The following C2CD3 variants were observed in gnomAD, a reference collection of about 807,000 sequenced individuals.
The protein encoded by C2CD3 is C2 domain containing 3 centriole elongation regulator.
In C2CD3, 148 loss-of-function variants were observed where a neutral mutation model predicts 234.0. That is an observed-to-expected ratio of 0.63 (90% CI 0.55 to 0.72). C2CD3 has a LOEUF of 0.72. C2CD3 is among the 30% of genes least tolerant of loss of function. C2CD3 has a pLI of 0.00. For synonymous variants in C2CD3, 1,000 were observed against 1,035.4 expected, an observed-to-expected ratio of 0.97 and a Z score of 0.66; for missense variants, 2,577 against 2,811.5, an observed-to-expected ratio of 0.92 and a Z score of 1.89.
intron 32 of C2CD3, among the ~76,000 whole-genome samples, chr11:74,026,719 C>A (rs1952313001): frequency 6.6e-6 from 1 of 152,074 alleles, no homozygotes; most frequent in Non-Finnish European, 1.5e-5. Context: ...CCTGTAATCC[C>A]AGCACTTTGG....
At chr11:74,044,353 G>A (rs139461389) in intron 28 of C2CD3, among the ~76,000 whole-genome samples, 5,423 of 151,944 alleles carry the variant, frequency 0.036, 145 homozygotes, top group South Asian at 0.1. Context: ...TACTAGGGAG[G>A]CTGAGGCAGG....
intron 22 of C2CD3, among the ~76,000 whole-genome samples, chr11:74,080,749 G>A (rs1321021491): frequency 6.6e-6 from 1 of 152,096 alleles, no homozygotes; most frequent in Non-Finnish European, 1.5e-5. Context: ...CTGTAGCTAA[G>A]TTATAGAAGG....
chr11:74,156,654 G>A (rs561651615), intron 3 of C2CD3, among the ~76,000 whole-genome samples: 2 of 151,998 alleles, frequency 1.3e-5, no homozygotes, highest in African/African-American at 4.8e-5. Flanking sequence ...TTAAAAGGAA[G>A]AAAGAAAAAG....
chr11:74,038,729 C>T (rs1338217689), intron 29 of C2CD3, among the ~76,000 whole-genome samples: 1 of 152,218 alleles, frequency 6.6e-6, no homozygotes, highest in Non-Finnish European at 1.5e-5. Flanking sequence ...CAAATCTTTG[C>T]ACCACCTGTC....
chr11:74,041,932 G>T, intron 29 of C2CD3, 122 bp downstream of exon 29: 1 of 890,462 alleles, frequency 1.1e-6, no homozygotes. Context: ...ATGCAAAAGA[G>T]CCCTCTACTA....
chr11:74,086,967 T>C (rs1032558628), intron 20 of C2CD3, among the ~76,000 whole-genome samples: 1 of 152,188 alleles, frequency 6.6e-6, no homozygotes, highest in South Asian at 2.1e-4. Flanking sequence ...TTACTTACCA[T>C]GTGACTCTGG....
chr11:74,117,000 A>G lies in C2CD3; in HGVS notation c.1520+1228T>C, dbSNP rs1319638704. 2.6e-3 allele frequency among the ~76,000 whole-genome samples: 298 copies of G among 114,080 alleles called. 15 individuals are homozygous for G. Among genetic ancestry groups the G allele is most frequent in the African/African-American group, 0.01 (234 of 22,918 alleles). The allele number at this position is 114,080 out of a possible 152,430, so 74.8% of individuals were successfully genotyped here. ...CGTATATATACACATATACGTGTATATGTATATATACACATATATACGTGT... is the reference window on the plus strand; with the variant it reads ...CGTATATATACACATATACGTGTATGTGTATATATACACATATATACGTGT... On this transcript the variant is annotated intron_variant, in intron 9 of 32. Transcript: ENST00000334126.
At chr11:74,029,921 A>G (rs1952457531) in intron 31 of C2CD3, among the ~76,000 whole-genome samples, 1 of 152,034 alleles carries the variant, frequency 6.6e-6, no homozygotes, top group Admixed American at 6.6e-5. Context: ...ATGCCTGGCT[A>G]ATTTTTGTAT....
intron 11 of C2CD3, 77 bp downstream of exon 11, chr11:74,113,703 C>G: frequency 1.4e-6 from 1 of 703,774 alleles, no homozygotes; most frequent in Non-Finnish European, 2.4e-6. Context: ...AAAAAAAAGT[C>G]AAATGAGTAA....
At chr11:74,024,999 A>T (rs549648506) in intron 32 of C2CD3, among the ~76,000 whole-genome samples, 2 of 152,294 alleles carry the variant, frequency 1.3e-5, no homozygotes, top group East Asian at 3.9e-4. Flanking sequence ...CAAACAATGG[A>T]ATGTTGTTAA....
intron 26 of C2CD3, among the ~76,000 whole-genome samples, chr11:74,053,654 G>C (rs1156498518): frequency 6.6e-6 from 1 of 152,232 alleles, no homozygotes; most frequent in East Asian, 1.9e-4. Context: ...TAATAAGCCA[G>C]AGTCAACAGA....
At chr11:74,028,980 T>A (rs1490172905) in intron 31 of C2CD3, among the ~76,000 whole-genome samples, 1 of 152,248 alleles carries the variant, frequency 6.6e-6, no homozygotes, top group African/African-American at 2.4e-5. Context: ...CTATTTTCTC[T>A]GCTCACATTC....
chr11:74,074,140 A>G, intron 24 of C2CD3, 113 bp downstream of exon 24: 1 of 769,290 alleles, frequency 1.3e-6, no homozygotes, highest in South Asian at 1.9e-5. Flanking sequence ...TGAGAAATAA[A>G]TATTTATCAG....
At chr11:74,047,437 T>C (rs957655429) in intron 28 of C2CD3, among the ~76,000 whole-genome samples, 1 of 152,192 alleles carries the variant, frequency 6.6e-6, no homozygotes, top group Non-Finnish European at 1.5e-5. Context: ...ACAAAGGAAT[T>C]ATCTAAAATC....
Position 74,103,218 on chromosome 11 carries a change from A to G in C2CD3, c.2493T>C (p.Tyr831=). The change falls in exon 14 of 33, where the codon TAT becomes TAC. Residue 831 remains tyrosine (Y), a synonymous_variant. Transcript: ENST00000334126. ...CTGTGCTGAAGAGTTTACAATTTAA[A>G]TAAACATTGCATGGTGATTGTTTCT... is the stretch of plus-strand genomic sequence containing the variant. The part of the protein sequence containing the change: ...ESEKQSPCNV[Y]LNCKLFSTEE... 1 of 1,614,228 alleles carries G rather than the reference A, an allele frequency of 6.2e-7. No individual in the cohort carries two copies. The highest frequency in any genetic ancestry group is 8.5e-7 in the Non-Finnish European group (1 of 1,180,018).
intron 5 of C2CD3, 152 bp from the exon 6 acceptor site, chr11:74,133,709 G>C: frequency 1.4e-6 from 1 of 700,094 alleles, no homozygotes; most frequent in Non-Finnish European, 2.4e-6. Flanking sequence ...AATTCCTTGA[G>C]GACATTTACG....
intron 31 of C2CD3, among the ~76,000 whole-genome samples, chr11:74,029,324 T>C (rs1046832152): frequency 9.2e-5 from 14 of 152,256 alleles, no homozygotes; most frequent in Non-Finnish European, 1.9e-4. Flanking sequence ...GTCGTTCTTC[T>C]ACATTAGACT....
chr11:74,071,069 TC>T (rs1448104066), intron 24 of C2CD3, among the ~76,000 whole-genome samples: 1 of 152,294 alleles, frequency 6.6e-6, no homozygotes, highest in East Asian at 1.9e-4. Flanking sequence ...CGTTTATTCC[TC>T]TGTACTAAAA....
chr11:74,161,418 T>C lies in C2CD3; in HGVS notation c.464A>G (p.Lys155Arg), dbSNP rs111283673. 7.6e-6 allele frequency: 12 copies of C among 1,583,956 alleles called. No homozygotes were observed. Among genetic ancestry groups the C allele is most frequent in the East Asian group, 2.3e-5 (1 of 44,274 alleles). Residue 155 changes from lysine (K) to arginine (R), a missense_variant, in exon 3 of 33, where the codon AAG (lysine) becomes AGG (arginine). Transcript: ENST00000334126. The part of the protein sequence containing the change: ...GFFTIVSSTS[K>R]KLGELQVSLA... The stretch of plus-strand genomic sequence containing the variant: ...TTTTACCTGGAGTTCTCCAAGTTTC[T>C]TAGACGTTGATGAAACAATGGTAAA...
Sources: allele counts gnomAD v4.1 joint callset (sites outside exome capture counted in the v4.1 genomes callset), GRCh38; gene constraint gnomAD v4.1.1; transcripts MANE v1.5; gene names NCBI Gene and HGNC (gene_info 2026-07-23, HGNC 2026-07-21).